Variants in SLC4A7 observed in about 807,000 individuals in gnomAD.
The protein encoded by SLC4A7 is solute carrier family 4 member 7, also known as sodium bicarbonate cotransporter 3.
Under a neutral mutation model 137.6 loss-of-function variants are expected in SLC4A7, and 51 were observed. The ratio of observed to expected loss-of-function variants is 0.37; its 90% CI spans 0.30 to 0.47. The LOEUF (loss-of-function observed/expected upper bound fraction) is 0.47, where lower values mean the gene tolerates loss of function less well. Ranked by LOEUF, SLC4A7 falls within the 20% of genes least tolerant of loss-of-function variation. SLC4A7 has a pLI of 1.00. For missense variants in SLC4A7, 1,247 were observed against 1,525.4 expected (o/e 0.82, Z 3.04); for synonymous variants, 542 against 518.6 (o/e 1.05, Z -0.61).
At chr3:27,462,638 T>C in intron 1 of SLC4A7, 1 of 178,562 alleles carries the variant, frequency 5.6e-6, no homozygotes, top group Non-Finnish European at 1.2e-5. Context: ...TTCAGATGCC[T>C]AAGACTTTGA....
At chr3:27,459,317 G>A (rs2150606503) in intron 1 of SLC4A7, among the ~76,000 whole-genome samples, 1 of 152,220 alleles carries the variant, frequency 6.6e-6, no homozygotes. Context: ...CACTATCATG[G>A]ACACTACCAA....
intron 6 of SLC4A7, 73 bp downstream of exon 6, chr3:27,433,843 G>A (rs1478887059): frequency 7.8e-7 from 1 of 1,290,080 alleles, no homozygotes; most frequent in African/African-American, 1.5e-5. Flanking sequence ...ATCCCCAAAT[G>A]TTAATCGTAA....
intron 18 of SLC4A7, among the ~76,000 whole-genome samples, chr3:27,395,777 C>G (rs555020681): frequency 2.3e-4 from 35 of 152,252 alleles, no homozygotes; most frequent in Middle Eastern, 6.8e-3. Flanking sequence ...AATTGATAAG[C>G]AAACTGGAAT....
At chr3:27,464,477 G>A (rs2058865778) in intron 1 of SLC4A7, among the ~76,000 whole-genome samples, 1 of 152,170 alleles carries the variant, frequency 6.6e-6, no homozygotes, top group Non-Finnish European at 1.5e-5. Context: ...GGAGGCCGAG[G>A]CAGAGGTCAG....
chr3:27,453,077 A>C lies in SLC4A7; in HGVS notation c.61-579T>G, dbSNP rs1283020838. 2.0e-5 allele frequency among the ~76,000 whole-genome samples: 3 copies of C among 152,328 alleles called. No homozygotes were observed. The East Asian group carries it at 5.8e-4, about 29-fold the overall frequency. ...TAACCTCTAGGGAAATTCTAGCTGC[A>C]GTTGTGAAAATCCCACCTTCATAAT... On this transcript the variant is annotated intron_variant, in intron 1 of 25. Coordinates refer to ENST00000454389, the MANE Select transcript of SLC4A7 (RefSeq NM_001321103.2).
Position 27,400,693 on chromosome 3 carries a change from T to C in SLC4A7, c.2427+71A>G, listed in dbSNP as rs2052658582. The C allele has an allele frequency of 4.7e-6, 4 of 849,540 alleles. No homozygotes were observed. In the Admixed American group the frequency reaches 9.1e-5, roughly 19 times the overall value. 52.6% of individuals were successfully genotyped at this position (849,540 alleles called of 1,614,324 possible). A position where few individuals can be genotyped will look rare whatever the true frequency, so the allele number is the denominator to read the frequency against. On this transcript the variant is annotated intron_variant, in intron 16 of 25. Coordinates refer to ENST00000454389, the MANE Select transcript of SLC4A7 (RefSeq NM_001321103.2). ...TCCATCAATCAAGAGAAAATGGATG[T>C]CTGATTAGAAAAAGCTAAAAGAACC...
chr3:27,465,812 G>C (rs1376155504), intron 1 of SLC4A7, among the ~76,000 whole-genome samples: 1 of 151,816 alleles, frequency 6.6e-6, no homozygotes. Context: ...AAATTAGCCA[G>C]GCGTGGTGGC....
intron 7 of SLC4A7, among the ~76,000 whole-genome samples, chr3:27,427,317 CTT>C (rs11349026): frequency 2.0e-3 from 294 of 147,054 alleles, no homozygotes; most frequent in Middle Eastern, 3.5e-3. Context: ...AAATTCACTT[CTT>C]TTTTTTTTTT....
At chr3:27,378,127 C>T (rs533952685) in intron 25 of SLC4A7, among the ~76,000 whole-genome samples, 44 of 152,152 alleles carry the variant, frequency 2.9e-4, no homozygotes, top group African/African-American at 1.1e-3. Context: ...AACTTTAAAA[C>T]TTTTTAAGAT....
chr3:27,448,651 C>T lies in SLC4A7; in HGVS notation c.289G>A (p.Asp97Asn), dbSNP rs749359163. The change falls in exon 3 of 26, where the codon GAT becomes AAT. Residue 97 changes from aspartate (D) to asparagine (N), a missense_variant and splice_region_variant. By Grantham distance (23) the Asp-to-Asn change is conservative. Coordinates refer to ENST00000454389, the MANE Select transcript of SLC4A7 (RefSeq NM_001321103.2). ...KEDGRESPSY[D>N]TPSQRVQFIL... ...CTAAAGAAGAACTGTTTTCTCTTAC[C>T]ATAAGAAGGAGATTCCCGTCCATCT... The T allele has an allele frequency of 1.9e-6, 3 of 1,607,958 alleles. No individual in the cohort carries two copies. Among genetic ancestry groups the T allele is most frequent in the South Asian group, 1.1e-5 (1 of 90,734 alleles).
intron 12 of SLC4A7, 49 bp from the exon 13 acceptor site, chr3:27,409,579 G>A: frequency 6.8e-7 from 1 of 1,469,612 alleles, no homozygotes; most frequent in Non-Finnish European, 9.2e-7. Flanking sequence ...GAGGATTCTA[G>A]CTACTTCAAA....
At chr3:27,472,112 A>C (rs2059271651) in intron 1 of SLC4A7, among the ~76,000 whole-genome samples, 1 of 152,196 alleles carries the variant, frequency 6.6e-6, no homozygotes, top group Non-Finnish European at 1.5e-5. Flanking sequence ...CATAACAAAG[A>C]AAGCACTGGC....
chr3:27,462,507 A>C (rs902458922), intron 1 of SLC4A7: 2 of 152,398 alleles, frequency 1.3e-5, no homozygotes, highest in African/African-American at 4.8e-5. Context: ...TACTGGAAAG[A>C]ACCAGAGGTG....
At position 27,374,914 on chromosome 3, in the gene SLC4A7, T is replaced by A. The variant is rs2049798506; in HGVS notation, c.*1850A>T. ...TACAAATAAAAAGGAATCATTACAATGGAAGCTCATAAACAATAATAAGCA... is the reference window on the plus strand; with the variant it reads ...TACAAATAAAAAGGAATCATTACAAAGGAAGCTCATAAACAATAATAAGCA... On this transcript the variant is annotated 3_prime_UTR_variant, in exon 26 of 26. Transcript: ENST00000454389. The A allele has an allele frequency of 6.6e-6, 1 of 152,474 alleles. No homozygotes were observed. The highest frequency in any genetic ancestry group is 6.5e-5 in the Admixed American group (1 of 15,272). The allele number at this position is 152,474 out of a possible 1,614,324, so 9.4% of individuals were successfully genotyped here. A position where few individuals can be genotyped will look rare whatever the true frequency, so the allele number is the denominator to read the frequency against.
At chr3:27,381,798 T>C (rs969493098) in intron 24 of SLC4A7, among the ~76,000 whole-genome samples, 1 of 152,102 alleles carries the variant, frequency 6.6e-6, no homozygotes, top group African/African-American at 2.4e-5. Context: ...TGTGTAGAAA[T>C]AGGAGGGCCA....
rs2049933996 is a variant in SLC4A7 at position 27,376,826 on chromosome 3, C to T, written c.3718G>A (p.Val1240Met). The T allele has an allele frequency of 1.9e-6, 3 of 1,587,022 alleles. No individual in the cohort carries two copies. The highest frequency in any genetic ancestry group is 1.3e-5 in the African/African-American group (1 of 74,284). ...GGTTCATCTTCAAAACTTATTTTCA[C>T]ACTCACAGGTTTATCAGGACTATTT... ...SNMSPDKPVS[V>M]KISFEDEPRK... Residue 1240 changes from valine to methionine, a missense_variant, in exon 26 of 26, where the codon GTG becomes ATG. Val to Met is a conservative substitution (Grantham distance 21). This residue lies in a region of SLC4A7 where 290 missense variants were observed against 323.8 expected (regional missense o/e 0.90). Coordinates refer to ENST00000454389, the MANE Select transcript of SLC4A7 (RefSeq NM_001321103.2).
At chr3:27,447,051 CTT>C (rs568905316) in intron 3 of SLC4A7, among the ~76,000 whole-genome samples, 3 of 131,440 alleles carry the variant, frequency 2.3e-5, no homozygotes, top group Non-Finnish European at 1.7e-5. Context: ...GCCAGCTAAA[CTT>C]TTTTTTTTTT....
intron 1 of SLC4A7, among the ~76,000 whole-genome samples, chr3:27,478,481 G>A (rs1318499860): frequency 7.2e-6 from 1 of 139,568 alleles, no homozygotes; most frequent in Non-Finnish European, 1.5e-5. Flanking sequence ...TCGTACCACT[G>A]CACTCCTGGG....
Position 27,397,722 on chromosome 3 carries a change from C to T in SLC4A7, c.2665G>A (p.Val889Ile). ...IMVTIDYLVGVPSPKLHVPEK... is the reference protein window; with the variant it reads ...IMVTIDYLVGIPSPKLHVPEK... ...GGAACATGAAGTTTAGGAGATGGAA[C>T]TCCTACAAGGTAGTCAATTGTAACC... The change falls in exon 18 of 26, where the codon GTT becomes ATT. Residue 889 changes from valine (V) to isoleucine (I), a missense_variant. Val to Ile is a conservative substitution (Grantham distance 29). This residue lies in a region of SLC4A7 where 499 missense variants were observed against 664.2 expected (regional missense o/e 0.75). Coordinates refer to ENST00000454389, the MANE Select transcript of SLC4A7 (RefSeq NM_001321103.2). 1 of 1,607,062 alleles carries T rather than the reference C, an allele frequency of 6.2e-7. No homozygotes were observed. Among genetic ancestry groups the T allele is most frequent in the Non-Finnish European group, 8.5e-7 (1 of 1,176,048 alleles).
Sources: allele counts gnomAD v4.1 joint callset (sites outside exome capture counted in the v4.1 genomes callset), GRCh38; gene constraint gnomAD v4.1.1; regional missense constraint gnomAD v4.1.1; transcripts MANE v1.5; gene names NCBI Gene and HGNC (gene_info 2026-07-23, HGNC 2026-07-21).